Variants in C4orf51 observed in about 807,000 individuals in gnomAD.
C4orf51 encodes chromosome 4 open reading frame 51.
Under a neutral mutation model 25.2 loss-of-function variants are expected in C4orf51, and 25 were observed. That is an observed-to-expected ratio of 0.99 (90% CI 0.72 to 1.39). The LOEUF is 1.39. Among genes scored for constraint, C4orf51 ranks in the 40% most tolerant of loss-of-function variants. C4orf51 has a pLI of 0.00. For synonymous variants in C4orf51, 100 were observed against 84.5 expected (o/e 1.18, Z -1.01); for missense variants, 252 against 239.6 (o/e 1.05, Z -0.34).
At chr4:145,705,788 G>A (rs1054746481) in intron 2 of C4orf51, among the ~76,000 whole-genome samples, 6 of 152,146 alleles carry the variant, frequency 3.9e-5, no homozygotes, top group Admixed American at 3.3e-4. Flanking sequence ...TGGCCTGAAG[G>A]TGAGAGGAAA....
intron 2 of C4orf51, among the ~76,000 whole-genome samples, chr4:145,699,992 T>C (rs1372562544): frequency 6.6e-6 from 1 of 151,826 alleles, no homozygotes; most frequent in South Asian, 2.1e-4. Context: ...CCCTCTTTTC[T>C]ATGGGGCAAG....
In C4orf51 at chr4:145,761,116, A is replaced by G. The variant is rs1734420807; in HGVS notation, n.167-9872A>G. The G allele has an allele frequency of 7.8e-7, 1 of 1,289,456 alleles. No individual in the cohort carries two copies. 79.9% of individuals were successfully genotyped at this position (1,289,456 alleles called of 1,614,324 possible). ...GAGATTCCGGGAGCTCCCGACCACC[A>G]GGAGCGGGGCCCCCGGGCCGGCCGG... On this transcript the variant is annotated intron_variant and non_coding_transcript_variant, in intron 1 of 1. Coordinates refer to the C4orf51 transcript ENST00000510096. The surrounding 1 kb of genome is among the most constrained non-coding windows in gnomAD (Gnocchi z 6.8).
At chr4:145,729,268 C>A in intron 4 of C4orf51, 39 bp downstream of exon 4, 5 of 1,007,542 alleles carry the variant, frequency 5.0e-6, no homozygotes, top group Non-Finnish European at 5.8e-6. Flanking sequence ...CATCCATTTT[C>A]TGGCCTTTAT....
At chr4:145,695,126 C>A (rs551744937) in intron 1 of C4orf51, among the ~76,000 whole-genome samples, 1 of 152,160 alleles carries the variant, frequency 6.6e-6, no homozygotes, top group Admixed American at 6.5e-5. Context: ...CTGGGCAGAA[C>A]GGTAGTTCTA....
chr4:145,773,297 A>G (rs375496688), downstream of C4orf51, among the ~76,000 whole-genome samples: 129 of 152,324 alleles, frequency 8.5e-4, 2 homozygotes, highest in African/African-American at 3.0e-3. Flanking sequence ...CTCACTTGGC[A>G]TAACGGCTCT....
intron 2 of C4orf51, among the ~76,000 whole-genome samples, chr4:145,705,543 G>T (rs1251506986): frequency 6.6e-6 from 1 of 151,836 alleles, no homozygotes; most frequent in Non-Finnish European, 1.5e-5. Flanking sequence ...GATTCCTGCT[G>T]ACAGGGAGGG....
At chr4:145,734,930 C>T (rs12499983), downstream of C4orf51, among the ~76,000 whole-genome samples, 74,002 of 152,086 alleles carry the variant, frequency 0.49, 19,613 homozygotes, top group Non-Finnish European at 0.6. Flanking sequence ...CAACTTTTCT[C>T]CTTAGAGCCG....
rs768721535 is a variant in C4orf51, at chr4:145,765,532, C to A, written n.167-5456C>A. ...TGCGGAGGGTTGAGCAGGCTCACAC[C>A]CACCTCCTCCTTACCTTTCTCTGGC... is the stretch of plus-strand genomic sequence containing the variant. On this transcript the variant is annotated intron_variant and non_coding_transcript_variant, in intron 1 of 1. Transcript: ENST00000510096. The surrounding 1 kb of genome is among the most constrained non-coding windows in gnomAD (Gnocchi z 4.7). The A allele has an allele frequency of 5.0e-6, 8 of 1,602,780 alleles. No individual in the cohort carries two copies. The highest frequency in any genetic ancestry group is 6.8e-6 in the Non-Finnish European group (8 of 1,174,358).
At chr4:145,789,920 C>T in the C4orf51 span, among the ~76,000 whole-genome samples, 1 of 152,242 alleles carries the variant, frequency 6.6e-6, no homozygotes, top group Admixed American at 6.5e-5. Context: ...TGCCTCTTTT[C>T]TGTTACCCAA....
downstream of C4orf51, among the ~76,000 whole-genome samples, chr4:145,772,347 C>A (rs59467178): frequency 0.048 from 7,230 of 152,142 alleles, 563 homozygotes; most frequent in African/African-American, 0.16. Flanking sequence ...GCTTTATACC[C>A]TAACTTTGCA....
intron 1 of C4orf51, among the ~76,000 whole-genome samples, chr4:145,692,047 A>G (rs1418125998): frequency 1.8e-5 from 2 of 114,224 alleles, no homozygotes; most frequent in Non-Finnish European, 3.5e-5. Context: ...GATTCTATGG[A>G]TATTGTAGAC....
At chr4:145,735,746 A>C (rs1393039229), downstream of C4orf51, among the ~76,000 whole-genome samples, 1 of 152,194 alleles carries the variant, frequency 6.6e-6, no homozygotes, top group African/African-American at 2.4e-5. Context: ...ATACCCATTG[A>C]AAAGCTATGG....
chr4:145,789,326 T>A, the C4orf51 span, among the ~76,000 whole-genome samples: 1 of 152,162 alleles, frequency 6.6e-6, no homozygotes, highest in Non-Finnish European at 1.5e-5. Flanking sequence ...TTAAAGTGCA[T>A]AAATAGTTTC....
In C4orf51 at chr4:145,684,683, G is replaced by A. The variant is rs980953297; in HGVS notation, c.233+4247G>A. On this transcript the variant is annotated intron_variant, in intron 1 of 5. Coordinates refer to ENST00000438731, the MANE Select transcript of C4orf51 (RefSeq NM_001080531.3). ...GGTGGGGGATGTTGATAGTGGGGAG[G>A]CTATGAATTTGAAGGGACAGGAGGT... Among the ~76,000 whole-genome samples the A allele has an allele frequency of 6.6e-5, 10 of 152,248 alleles. 1 individual carries two copies. The South Asian group carries it at 1.9e-3, about 28-fold the overall frequency.
At chr4:145,727,095 T>C (rs1009903253) in intron 3 of C4orf51, 126 bp downstream of exon 3, 1 of 660,712 alleles carries the variant, frequency 1.5e-6, no homozygotes, top group Non-Finnish European at 2.6e-6. Context: ...CAAACGTTTA[T>C]TCCTGAGTGC....
chr4:145,695,059 C>G (rs1308361215), intron 1 of C4orf51, among the ~76,000 whole-genome samples: 1 of 151,926 alleles, frequency 6.6e-6, no homozygotes, highest in Non-Finnish European at 1.5e-5. Context: ...TTTAAGAAAC[C>G]AAATAAAAAG....
chr4:145,704,204 T>A (rs544219999), intron 2 of C4orf51, among the ~76,000 whole-genome samples: 1 of 152,326 alleles, frequency 6.6e-6, no homozygotes, highest in Admixed American at 6.5e-5. Context: ...TCTTTTCAGA[T>A]TTTTAAAGGT....
At position 145,761,323 on chromosome 4, in the gene C4orf51, T is replaced by G; in HGVS notation, n.167-9665T>G. On this transcript the variant is annotated intron_variant and non_coding_transcript_variant, in intron 1 of 1. Coordinates refer to the C4orf51 transcript ENST00000510096. This position sits in a 1 kb window ranked among gnomAD's most constrained non-coding sequence, Gnocchi z 6.8. ...GTGCAGGTTGAGATTGTCCTTGCGC[T>G]TGCAGCTGTAGCTGCACTGGTCACA... 1 of 1,289,958 alleles carries G rather than the reference T, an allele frequency of 7.8e-7. No homozygotes were observed. 79.9% of individuals were successfully genotyped at this position (1,289,958 alleles called of 1,614,324 possible). A position where few individuals can be genotyped will look rare whatever the true frequency, so the allele number is the denominator to read the frequency against.
In C4orf51 at chr4:145,765,771, TG is replaced by T; in HGVS notation, n.167-5216del. On this transcript the variant is annotated intron_variant and non_coding_transcript_variant, in intron 1 of 1. Transcript: ENST00000510096. The surrounding 1 kb of genome is among the most constrained non-coding windows in gnomAD (Gnocchi z 4.7). ...ATAAGCAAATAACCCAGTCTGTTAA[TG>T]AGATGAAAATCCTCAGAATTATAGC... is the stretch of plus-strand genomic sequence containing the variant. 1 of 1,598,710 alleles carries T rather than the reference TG, an allele frequency of 6.3e-7. No individual in the cohort carries two copies. Among genetic ancestry groups the T allele is most frequent in the Non-Finnish European group, 8.5e-7 (1 of 1,171,536 alleles).
Sources: gnomAD v4.1 joint callset for allele counts (sites outside exome capture counted in the v4.1 genomes callset) on GRCh38, gnomAD v4.1.1 for gene constraint, Gnocchi (gnomAD v3.1) non-coding constraint, MANE v1.5 for transcripts, NCBI Gene and HGNC (gene_info 2026-07-23, HGNC 2026-07-21) for gene names.